The following SHISA6 variants were observed in gnomAD, a reference collection of about 807,000 sequenced individuals.
SHISA6 encodes protein shisa-6.
SHISA6 carries 22 observed loss-of-function variants against 47.9 expected under a neutral mutation model. The ratio of observed to expected loss-of-function variants is 0.46; its 90% CI spans 0.33 to 0.66. The LOEUF is 0.66. Among genes scored for constraint, SHISA6 ranks in the 30% least tolerant of loss-of-function variants. The pLI, the probability that SHISA6 is intolerant of heterozygous loss-of-function variation, is 0.02. For missense variants in SHISA6, 680 were observed against 764.6 expected (o/e 0.89, Z 1.30); for synonymous variants, 388 against 337.8 (o/e 1.15, Z -1.63).
chr17:11,394,269 C>G (rs910623324), intron 3 of SHISA6, among the ~76,000 whole-genome samples: 3 of 152,142 alleles, frequency 2.0e-5, no homozygotes, highest in African/African-American at 4.8e-5. Context: ...CTGAGAACTT[C>G]CAGGTAAATG....
At chr17:11,419,243 GA>G (rs935890231) in intron 3 of SHISA6, among the ~76,000 whole-genome samples, 8 of 150,120 alleles carry the variant, frequency 5.3e-5, no homozygotes, top group African/African-American at 1.2e-4. Flanking sequence ...AAAGAAAAAA[GA>G]AAAAAAGAAA....
intron 3 of SHISA6, among the ~76,000 whole-genome samples, chr17:11,409,988 G>T (rs959051793): frequency 6.6e-6 from 1 of 152,168 alleles, no homozygotes; most frequent in Non-Finnish European, 1.5e-5. Flanking sequence ...AAAGAAAATG[G>T]TAAGAGTCAT....
At chr17:11,532,895 T>G (rs1311876491) in intron 3 of SHISA6, among the ~76,000 whole-genome samples, 1 of 152,106 alleles carries the variant, frequency 6.6e-6, no homozygotes, top group Non-Finnish European at 1.5e-5. Flanking sequence ...TATGGTTACC[T>G]GGAAATAGGC....
intron 3 of SHISA6, among the ~76,000 whole-genome samples, chr17:11,547,074 T>C (rs2071889547): frequency 6.6e-6 from 1 of 152,122 alleles, no homozygotes; most frequent in African/African-American, 2.4e-5. Flanking sequence ...CTGTAACAAA[T>C]ACAAAGAGGA....
At position 11,555,759 on chromosome 17, in the gene SHISA6, C is replaced by A; in HGVS notation, c.972C>A (p.Asn324Lys). ...TTGCAGAGAAGCCACGGATGAACAA[C>A]ATCCTGACATCAGCCACCGAGCCCT... ...IPPHEKPRMNNILTSATEPYD... is the reference protein window; with the variant it reads ...IPPHEKPRMNKILTSATEPYD... Residue 324 changes from asparagine (N) to lysine (K), a missense_variant, in exon 5 of 6, where the codon AAC (asparagine) becomes AAA (lysine). Transcript: ENST00000441885. 1 of 1,547,562 alleles carries A rather than the reference C, an allele frequency of 6.5e-7. No homozygotes were observed. The highest frequency in any genetic ancestry group is 8.7e-7 in the Non-Finnish European group (1 of 1,145,476).
chr17:11,418,828 C>A (rs1477683109), intron 3 of SHISA6, among the ~76,000 whole-genome samples: 1 of 152,136 alleles, frequency 6.6e-6, no homozygotes, highest in Non-Finnish European at 1.5e-5. Context: ...TTCTTAGTTA[C>A]TTGGGTCTTG....
At position 11,555,749 on chromosome 17, in the gene SHISA6, G is replaced by A. The variant is rs540603579; in HGVS notation, c.962G>A (p.Arg321Gln). ...CTCCCTTTTCTTGCAGAGAAGCCAC[G>A]GATGAACAACATCCTGACATCAGCC... ...VTQIPPHEKPRMNNILTSATE... is the reference protein window; with the variant it reads ...VTQIPPHEKPQMNNILTSATE... Residue 321 changes from arginine (R) to glutamine (Q), a missense_variant, in exon 5 of 6, where the codon CGG becomes CAG. By Grantham distance (43) the Arg-to-Gln change is conservative. Coordinates refer to ENST00000441885, the MANE Select transcript of SHISA6 (RefSeq NM_207386.4). The A allele has an allele frequency of 2.8e-5, 43 of 1,542,062 alleles. No homozygotes were observed. Among genetic ancestry groups the A allele is most frequent in the South Asian group, 3.6e-5 (3 of 82,630 alleles).
intron 3 of SHISA6, among the ~76,000 whole-genome samples, chr17:11,480,967 T>C (rs1916196840): frequency 6.6e-6 from 1 of 152,124 alleles, no homozygotes; most frequent in Non-Finnish European, 1.5e-5. Flanking sequence ...ATTCAAGAAC[T>C]AGATACAAGT....
At chr17:11,259,551 A>G (rs1908147480) in intron 1 of SHISA6, among the ~76,000 whole-genome samples, 1 of 152,250 alleles carries the variant, frequency 6.6e-6, no homozygotes, top group African/African-American at 2.4e-5. Context: ...ACTAGTTCAT[A>G]TCCTGAATGC....
At chr17:11,373,112 A>G (rs1043469917) in intron 2 of SHISA6, among the ~76,000 whole-genome samples, 4 of 151,762 alleles carry the variant, frequency 2.6e-5, no homozygotes, top group Non-Finnish European at 2.9e-5. Flanking sequence ...GTACTGCTTG[A>G]AGATTACAGA....
At chr17:11,261,338 A>G (rs1381386540) in intron 1 of SHISA6, among the ~76,000 whole-genome samples, 1 of 152,218 alleles carries the variant, frequency 6.6e-6, no homozygotes, top group East Asian at 1.9e-4. Context: ...GTAGCCTGTC[A>G]GGCAGCCCTT....
chr17:11,535,166 G>A (rs1403706419), intron 3 of SHISA6, among the ~76,000 whole-genome samples: 1 of 151,988 alleles, frequency 6.6e-6, no homozygotes, highest in African/African-American at 2.4e-5. Context: ...ATAAAAGAAG[G>A]CTATGGTGCA....
chr17:11,290,425 A>C (rs1489964648), intron 2 of SHISA6: 1 of 145,236 alleles, frequency 6.9e-6, no homozygotes, highest in Non-Finnish European at 1.5e-5. Context: ...ATCTCGGCTC[A>C]CCACAACCTC....
chr17:11,529,790 C>G (rs1299281612), intron 3 of SHISA6, among the ~76,000 whole-genome samples: 3 of 152,032 alleles, frequency 2.0e-5, no homozygotes, highest in African/African-American at 7.2e-5. Flanking sequence ...AATCAATATC[C>G]TTTATATATA....
chr17:11,481,364 G>GTATATATATATATA (rs747477268), intron 3 of SHISA6, among the ~76,000 whole-genome samples: 8 of 134,422 alleles, frequency 6.0e-5, no homozygotes, highest in African/African-American at 2.3e-4. Context: ...GTGTGTGTGT[G>GTATATATATATATA]TGTATATATA....
intron 2 of SHISA6, among the ~76,000 whole-genome samples, chr17:11,274,223 G>A (rs1908791080): frequency 6.6e-6 from 1 of 152,168 alleles, no homozygotes; most frequent in South Asian, 2.1e-4. Flanking sequence ...ACGTGGCCGG[G>A]GGAGAAAGGA....
chr17:11,520,377 T>C (rs2071619831), intron 3 of SHISA6, among the ~76,000 whole-genome samples: 1 of 152,236 alleles, frequency 6.6e-6, no homozygotes. Context: ...CTGACAGTCC[T>C]ACCTTGAAAA....
At chr17:11,322,006 T>C (rs1224386762) in intron 2 of SHISA6, among the ~76,000 whole-genome samples, 1 of 152,222 alleles carries the variant, frequency 6.6e-6, no homozygotes, top group Non-Finnish European at 1.5e-5. Flanking sequence ...TTTAAAGTAA[T>C]TTAAAACTTA....
At chr17:11,410,902 C>T (rs1914095118) in intron 3 of SHISA6, among the ~76,000 whole-genome samples, 1 of 152,162 alleles carries the variant, frequency 6.6e-6, no homozygotes. Context: ...ACTGGTCTAG[C>T]CTGTTTCTTA....
Sources: allele counts gnomAD v4.1 joint callset (sites outside exome capture counted in the v4.1 genomes callset), GRCh38; gene constraint gnomAD v4.1.1; transcripts MANE v1.5; gene names NCBI Gene and HGNC (gene_info 2026-07-23, HGNC 2026-07-21).